CCDC102B: variants seen among roughly 807,000 people sequenced by gnomAD.
The protein encoded by CCDC102B is coiled-coil domain containing 102B.
Under a neutral mutation model 57.4 loss-of-function variants are expected in CCDC102B, and 75 were observed. That is an observed-to-expected ratio of 1.31 (90% CI 1.08 to 1.58). The LOEUF is 1.58. CCDC102B is among the 40% of genes most tolerant of loss of function. The pLI, the probability that CCDC102B is intolerant of heterozygous loss-of-function variation, is 0.00. For missense variants in CCDC102B, 636 were observed against 582.6 expected (o/e 1.09, Z -0.94); for synonymous variants, 206 against 201.9 (o/e 1.02, Z -0.17).
chr18:68,857,142 A>G lies in CCDC102B; in HGVS notation c.936+10721A>G, dbSNP rs1293599318. On this transcript the variant is annotated intron_variant, in intron 4 of 7. Transcript: ENST00000360242. ...ATATTTATATATTTTTATATATTAT[A>G]TATAAATATATTTATATATTTTTAT... Among the ~76,000 whole-genome samples the G allele has an allele frequency of 5.7e-3, 259 of 45,478 alleles. 18 individuals carry two copies. Among genetic ancestry groups the G allele is most frequent in the African/African-American group, 0.026 (252 of 9,632 alleles). The allele number at this position is 45,478 out of a possible 152,430, so 29.8% of individuals were successfully genotyped here.
intron 2 of CCDC102B, among the ~76,000 whole-genome samples, chr18:68,725,162 T>C (rs571539002): frequency 3.2e-4 from 49 of 152,326 alleles, no homozygotes; most frequent in African/African-American, 1.2e-3. Flanking sequence ...GATTCAGTTA[T>C]CTCCATCTGG....
intron 6 of CCDC102B, among the ~76,000 whole-genome samples, chr18:68,945,859 G>A (rs1016941964): frequency 5.3e-5 from 8 of 152,000 alleles, no homozygotes; most frequent in Admixed American, 1.3e-4. Flanking sequence ...TATTAAAACC[G>A]TTGACCTTGC....
At chr18:68,851,845 G>A (rs1393958090) in intron 4 of CCDC102B, among the ~76,000 whole-genome samples, 1 of 151,952 alleles carries the variant, frequency 6.6e-6, no homozygotes, top group Admixed American at 6.6e-5. Flanking sequence ...TCACACAATG[G>A]CAATGTTTTA....
At chr18:68,940,730 A>G (rs909493888) in intron 6 of CCDC102B, among the ~76,000 whole-genome samples, 1 of 151,956 alleles carries the variant, frequency 6.6e-6, no homozygotes, top group African/African-American at 2.4e-5. Context: ...GGCTATATAT[A>G]TAATTCATAT....
intron 6 of CCDC102B, among the ~76,000 whole-genome samples, chr18:68,915,377 C>T (rs9960757): frequency 0.16 from 24,767 of 152,132 alleles, 2,686 homozygotes; most frequent in African/African-American, 0.3. Context: ...ATTATCCTAC[C>T]TTGCCTTATG....
chr18:68,844,053 C>A (rs1376825319), intron 3 of CCDC102B, among the ~76,000 whole-genome samples: 1 of 151,744 alleles, frequency 6.6e-6, no homozygotes, highest in Non-Finnish European at 1.5e-5. Context: ...CAAATGGTAA[C>A]CTTTTACATA....
At chr18:68,902,069 A>G (rs954243701) in intron 6 of CCDC102B, 4 of 152,320 alleles carry the variant, frequency 2.6e-5, no homozygotes, top group South Asian at 2.1e-4. Flanking sequence ...CACTTTGCCC[A>G]TGGCAATTAT....
intron 2 of CCDC102B, among the ~76,000 whole-genome samples, chr18:68,784,560 T>C (rs533997365): frequency 2.8e-4 from 43 of 152,304 alleles, no homozygotes; most frequent in African/African-American, 9.6e-4. Context: ...AATGTAATAC[T>C]TTAGAAATTC....
intron 7 of CCDC102B, among the ~76,000 whole-genome samples, chr18:69,016,463 T>A (rs60236816): frequency 0.094 from 14,301 of 152,098 alleles, 1,016 homozygotes; most frequent in East Asian, 0.29. Flanking sequence ...TCCTAAGAAT[T>A]TTATACATTT....
intron 6 of CCDC102B, 168 bp downstream of exon 6, chr18:68,897,596 T>G: frequency 6.4e-7 from 1 of 1,570,024 alleles, no homozygotes; most frequent in Non-Finnish European, 8.6e-7. Flanking sequence ...ATAACGTTCA[T>G]GCATCTGAAA....
intron 6 of CCDC102B, among the ~76,000 whole-genome samples, chr18:69,006,743 T>A (rs2051360420): frequency 6.6e-6 from 1 of 152,082 alleles, no homozygotes. Context: ...GTGCCCAGCC[T>A]GCTTTGAGAA....
At chr18:68,965,486 T>C (rs1568357878) in intron 6 of CCDC102B, among the ~76,000 whole-genome samples, 1 of 151,970 alleles carries the variant, frequency 6.6e-6, no homozygotes, top group East Asian at 1.9e-4. Flanking sequence ...AGTGTGTTTG[T>C]AATTGCTTGT....
intron 2 of CCDC102B, among the ~76,000 whole-genome samples, chr18:68,770,102 C>T (rs2034591344): frequency 6.6e-6 from 1 of 152,204 alleles, no homozygotes. Flanking sequence ...AGCATCTCCA[C>T]ATTTAATGAA....
intron 1 of CCDC102B, among the ~76,000 whole-genome samples, chr18:68,804,369 G>A (rs1206207532): frequency 6.6e-6 from 1 of 152,110 alleles, no homozygotes; most frequent in African/African-American, 2.4e-5. Flanking sequence ...GTGGGCAGCT[G>A]GACACGTGAG....
chr18:68,734,139 A>ACGCCTGT, intron 2 of CCDC102B, among the ~76,000 whole-genome samples: 1 of 152,352 alleles, frequency 6.6e-6, no homozygotes, highest in East Asian at 1.9e-4. Context: ...AAAAAGTCAG[A>ACGCCTGT]AAGCAGTTAG....
intron 7 of CCDC102B, among the ~76,000 whole-genome samples, chr18:69,041,263 A>C (rs2052427431): frequency 6.6e-6 from 1 of 152,078 alleles, no homozygotes; most frequent in South Asian, 2.1e-4. Context: ...GAGCTTACTC[A>C]GATGTCCTGT....
At chr18:68,878,135 C>T (rs1382462730) in intron 5 of CCDC102B, among the ~76,000 whole-genome samples, 1 of 152,198 alleles carries the variant, frequency 6.6e-6, no homozygotes. Context: ...CTCACTCTGT[C>T]ACCTAAGCTG....
At chr18:69,057,693 G>A (rs1400352011), downstream of CCDC102B, among the ~76,000 whole-genome samples, 1 of 152,044 alleles carries the variant, frequency 6.6e-6, no homozygotes, top group Non-Finnish European at 1.5e-5. Flanking sequence ...GGAACAGCTA[G>A]GAGTTGTTGG....
At chr18:68,913,247 G>C (rs1280831047) in intron 6 of CCDC102B, among the ~76,000 whole-genome samples, 1 of 150,728 alleles carries the variant, frequency 6.6e-6, no homozygotes, top group African/African-American at 2.4e-5. Context: ...TCAGTAACTA[G>C]AAAGAATCAT....
Sources: allele counts gnomAD v4.1 joint callset (sites outside exome capture counted in the v4.1 genomes callset), GRCh38; gene constraint gnomAD v4.1.1; transcripts MANE v1.5; gene names NCBI Gene and HGNC (gene_info 2026-07-23, HGNC 2026-07-21).